FGF7: variants seen among roughly 807,000 people sequenced by gnomAD.
FGF7 encodes the protein fibroblast growth factor 7, also known as FGF-7.
FGF7 carries 6 observed loss-of-function variants against 20.5 expected under a neutral mutation model. The ratio of observed to expected loss-of-function variants is 0.29; its 90% CI spans 0.16 to 0.58. The LOEUF is 0.58. Ranked by LOEUF, FGF7 falls within the 20% of genes least tolerant of loss-of-function variation. The pLI is 0.90. For synonymous variants in FGF7, 64 were observed against 74.7 expected (o/e 0.86, Z 0.74); for missense variants, 144 against 228.8 (o/e 0.63, Z 2.39).
intron 2 of FGF7, among the ~76,000 whole-genome samples, chr15:49,476,232 G>T (rs55962908): frequency 0.24 from 13,285 of 54,316 alleles, 1,564 homozygotes; most frequent in East Asian, 0.46. Flanking sequence ...TTTGTTTTTG[G>T]TTTTTTTTTT....
At chr15:49,461,382 T>C (rs1173051298) in intron 2 of FGF7, among the ~76,000 whole-genome samples, 1 of 152,208 alleles carries the variant, frequency 6.6e-6, no homozygotes, top group African/African-American at 2.4e-5. Flanking sequence ...TTATGCAGAT[T>C]TGAAAAACAT....
intron 2 of FGF7, among the ~76,000 whole-genome samples, chr15:49,452,678 T>C (rs2052872057): frequency 6.6e-6 from 1 of 152,172 alleles, no homozygotes; most frequent in Non-Finnish European, 1.5e-5. Context: ...GAAATCCTAT[T>C]ATTTCTGGGC....
chr15:49,459,582 CTCT>C, intron 2 of FGF7, among the ~76,000 whole-genome samples: 1 of 152,130 alleles, frequency 6.6e-6, no homozygotes, highest in Non-Finnish European at 1.5e-5. Flanking sequence ...CTTGTTTTAT[CTCT>C]TCAATATTTT....
chr15:49,454,883 A>AC (rs1667766601), intron 2 of FGF7, among the ~76,000 whole-genome samples: 1 of 152,170 alleles, frequency 6.6e-6, no homozygotes, highest in Admixed American at 6.5e-5. Flanking sequence ...TGCTGGGATT[A>AC]CAGGTGTGAG....
rs928193226 is a variant in FGF7 at position 49,488,453 on chromosome 15, C to A, written c.*3949C>A. ...GACAGGAAGCAAGAAATAATACAGT[C>A]CTAGCCTCTTTCCAATAACATCTGA... On this transcript the variant is annotated 3_prime_UTR_variant, in exon 4 of 4. Transcript: ENST00000267843. 1 of 151,944 alleles carries A rather than the reference C, an allele frequency of 6.6e-6. No individual in the cohort carries two copies. Among genetic ancestry groups the A allele is most frequent in the Non-Finnish European group, 1.5e-5 (1 of 67,918 alleles). 9.4% of individuals were successfully genotyped at this position (151,944 alleles called of 1,614,324 possible). A position where few individuals can be genotyped will look rare whatever the true frequency, so the allele number is the denominator to read the frequency against.
intron 2 of FGF7, among the ~76,000 whole-genome samples, chr15:49,453,367 G>C (rs2151895264): frequency 6.6e-6 from 1 of 152,204 alleles, no homozygotes; most frequent in African/African-American, 2.4e-5. Flanking sequence ...GCCTCCCAAA[G>C]TGTTGAGATT....
At chr15:49,458,382 A>G (rs1240170675) in intron 2 of FGF7, among the ~76,000 whole-genome samples, 1 of 152,072 alleles carries the variant, frequency 6.6e-6, no homozygotes, top group Non-Finnish European at 1.5e-5. Context: ...AAACTCATAA[A>G]CATGCACGTC....
chr15:49,445,600 C>T (rs1001281533), intron 2 of FGF7, among the ~76,000 whole-genome samples: 9 of 151,464 alleles, frequency 5.9e-5, no homozygotes, highest in Non-Finnish European at 1.2e-4. Context: ...GCTCTGATCA[C>T]TATACACTGT....
intron 2 of FGF7, among the ~76,000 whole-genome samples, chr15:49,435,076 T>TTCGAACAC (rs2050976286): frequency 6.6e-6 from 1 of 151,620 alleles, no homozygotes; most frequent in Non-Finnish European, 1.5e-5. Flanking sequence ...TACAAAATAG[T>TTCGAACAC]ATACATTAAA....
intron 2 of FGF7, among the ~76,000 whole-genome samples, chr15:49,480,374 C>T (rs373065287): frequency 8.6e-5 from 13 of 151,950 alleles, no homozygotes; most frequent in African/African-American, 3.1e-4. Context: ...GTGGTGTGAC[C>T]TCGGCTCATT....
intron 3 of FGF7, among the ~76,000 whole-genome samples, chr15:49,483,969 T>G (rs1481813205): frequency 2.0e-5 from 3 of 152,014 alleles, no homozygotes; most frequent in African/African-American, 7.2e-5. Flanking sequence ...TTCCAGTGGT[T>G]AAAGAATGAG....
At chr15:49,433,525 A>G (rs2050804636) in intron 2 of FGF7, among the ~76,000 whole-genome samples, 1 of 151,762 alleles carries the variant, frequency 6.6e-6, no homozygotes, top group Admixed American at 6.6e-5. Context: ...GTGGGCAAGA[A>G]TTAAAAGCCT....
At chr15:49,477,723 G>A (rs2055482339) in intron 2 of FGF7, among the ~76,000 whole-genome samples, 1 of 152,188 alleles carries the variant, frequency 6.6e-6, no homozygotes, top group South Asian at 2.1e-4. Flanking sequence ...TATATAGTAA[G>A]AGTATGTTTA....
chr15:49,479,232 G>C lies in FGF7; in HGVS notation c.287-3919G>C, dbSNP rs2055654152. On this transcript the variant is annotated intron_variant, in intron 2 of 3. Coordinates refer to ENST00000267843, the MANE Select transcript of FGF7 (RefSeq NM_002009.4). ...ATTGCCTGGTTTTTCATGTTCTATT[G>C]CATGAGCTGATTCTCTCTCTCTTTT... Among the ~76,000 whole-genome samples, 3 of 146,230 alleles carry C rather than the reference G, an allele frequency of 2.1e-5. No individual in the cohort carries two copies. In the South Asian group the frequency reaches 6.6e-4, roughly 32 times the overall value.
chr15:49,457,659 T>C (rs1306013232), intron 2 of FGF7, among the ~76,000 whole-genome samples: 4 of 152,108 alleles, frequency 2.6e-5, no homozygotes, highest in African/African-American at 9.6e-5. Context: ...AGCAGAATCT[T>C]TGAAGTGGTC....
chr15:49,426,136 C>T (rs866987090), intron 2 of FGF7, among the ~76,000 whole-genome samples: 22 of 151,800 alleles, frequency 1.4e-4, no homozygotes, highest in Middle Eastern at 3.4e-3. Flanking sequence ...TCCCTGTCTA[C>T]GAATGATCTG....
At chr15:49,437,419 C>T (rs770925348) in intron 2 of FGF7, among the ~76,000 whole-genome samples, 5 of 151,512 alleles carry the variant, frequency 3.3e-5, no homozygotes, top group Non-Finnish European at 5.9e-5. Flanking sequence ...TATTTTTAAT[C>T]CTTTTAGGAC....
At position 49,423,438 on chromosome 15, in the gene FGF7, C is replaced by T. The variant is rs2049861566; in HGVS notation, c.-269C>T. ...ATATATCCAGCTGTTAGCAACAAAA[C>T]AAGTAAGTTACTGTTATTTGTCTTT... On this transcript the variant is annotated splice_region_variant and 5_prime_UTR_variant, in exon 1 of 4. It introduces an in-frame stop codon into an upstream open reading frame of the 5' UTR. Coordinates refer to ENST00000267843, the MANE Select transcript of FGF7 (RefSeq NM_002009.4). 1 of 152,128 alleles carries T rather than the reference C, an allele frequency of 6.6e-6. No individual in the cohort carries two copies. The allele number at this position is 152,128 out of a possible 1,614,324, so 9.4% of individuals were successfully genotyped here.
At chr15:49,470,896 G>A (rs2054678953) in intron 2 of FGF7, among the ~76,000 whole-genome samples, 1 of 152,210 alleles carries the variant, frequency 6.6e-6, no homozygotes, top group Non-Finnish European at 1.5e-5. Flanking sequence ...CAAACAGCTT[G>A]CTGGGAGAAA....
Sources: allele counts gnomAD v4.1 joint callset (sites outside exome capture counted in the v4.1 genomes callset), GRCh38; gene constraint gnomAD v4.1.1; transcripts MANE v1.5; gene names NCBI Gene and HGNC (gene_info 2026-07-23, HGNC 2026-07-21).